The following RGS6 variants were observed in gnomAD, a reference collection of about 807,000 sequenced individuals.
RGS6 encodes the protein regulator of G-protein signaling 6.
A neutral mutation model predicts 78.5 loss-of-function variants in RGS6; 30 were observed. The ratio of observed to expected loss-of-function variants is 0.38; its 90% CI spans 0.29 to 0.52. RGS6 has a LOEUF of 0.52. Ranked by LOEUF, RGS6 falls within the 20% of genes least tolerant of loss-of-function variation. The pLI, the probability that RGS6 is intolerant of heterozygous loss-of-function variation, is 0.85. For missense variants in RGS6, 495 were observed against 609.7 expected (o/e 0.81, Z 1.98); for synonymous variants, 206 against 206.0 (o/e 1.00, Z 0.00).
intron 2 of RGS6, among the ~76,000 whole-genome samples, chr14:72,294,904 A>C (rs1003719540): frequency 2.6e-5 from 4 of 152,228 alleles, no homozygotes; most frequent in African/African-American, 7.2e-5. Context: ...ACACATATCC[A>C]AACCATAGCA....
intron 2 of RGS6, among the ~76,000 whole-genome samples, chr14:72,269,440 T>A (rs899161473): frequency 4.6e-5 from 7 of 152,326 alleles, no homozygotes; most frequent in African/African-American, 1.7e-4. Flanking sequence ...GTCTCTTGAA[T>A]AGTCAGGGCC....
At chr14:72,482,032 G>A (rs1344102328) in intron 12 of RGS6, among the ~76,000 whole-genome samples, 2 of 151,852 alleles carry the variant, frequency 1.3e-5, no homozygotes, top group African/African-American at 2.4e-5. Context: ...GGATGGTCTC[G>A]ATCTCCTGAC....
chr14:72,039,930 T>C (rs1200783926), intron 2 of RGS6, among the ~76,000 whole-genome samples: 1 of 151,400 alleles, frequency 6.6e-6, no homozygotes, highest in Non-Finnish European at 1.5e-5. Flanking sequence ...CATCTTATAG[T>C]TGTAACAATC....
At chr14:72,381,380 A>G (rs1332394696) in intron 3 of RGS6, among the ~76,000 whole-genome samples, 1 of 152,118 alleles carries the variant, frequency 6.6e-6, no homozygotes, top group Non-Finnish European at 1.5e-5. Context: ...TATGCATTAT[A>G]TGTATCAAAA....
intron 2 of RGS6, among the ~76,000 whole-genome samples, chr14:72,125,282 A>G (rs17107779): frequency 0.063 from 9,596 of 152,154 alleles, 335 homozygotes; most frequent in Admixed American, 0.093. Context: ...TGCTTCCTCA[A>G]TAGTGCTGTG....
intron 2 of RGS6, among the ~76,000 whole-genome samples, chr14:72,231,359 T>G (rs1377601539): frequency 2.0e-5 from 3 of 152,036 alleles, no homozygotes. Context: ...TTAGTGGGAG[T>G]AAGAGGGTGA....
At chr14:72,090,904 T>C (rs564440250) in intron 2 of RGS6, among the ~76,000 whole-genome samples, 1 of 152,308 alleles carries the variant, frequency 6.6e-6, no homozygotes, top group Non-Finnish European at 1.5e-5. Flanking sequence ...GTAGCTCTCA[T>C]TTCCAGGGCC....
At chr14:72,340,689 C>T (rs2076828675) in intron 2 of RGS6, among the ~76,000 whole-genome samples, 2 of 152,192 alleles carry the variant, frequency 1.3e-5, no homozygotes, top group African/African-American at 4.8e-5. Context: ...GAGGAAACTT[C>T]ATTCTCACCC....
chr14:72,324,932 C>A (rs1358649155), intron 2 of RGS6, among the ~76,000 whole-genome samples: 1 of 152,244 alleles, frequency 6.6e-6, no homozygotes, highest in Non-Finnish European at 1.5e-5. Context: ...AATTACCACA[C>A]TGTCTTCCAC....
intron 3 of RGS6, among the ~76,000 whole-genome samples, chr14:72,424,483 A>C (rs192241889): frequency 2.7e-4 from 41 of 152,212 alleles, no homozygotes; most frequent in Admixed American, 1.2e-3. Context: ...TGTTGCTTTC[A>C]GGCCTTTTTT....
intron 2 of RGS6, among the ~76,000 whole-genome samples, chr14:72,223,754 G>C (rs1206994063): frequency 1.3e-5 from 2 of 152,186 alleles, no homozygotes; most frequent in Non-Finnish European, 2.9e-5. Flanking sequence ...TTTTTGCATG[G>C]AAAGAAAGGT....
intron 2 of RGS6, among the ~76,000 whole-genome samples, chr14:72,086,326 C>T (rs1012010220): frequency 2.6e-5 from 4 of 152,092 alleles, no homozygotes; most frequent in Admixed American, 2.6e-4. Context: ...CAATATTTGT[C>T]TTTGTTATTT....
chr14:72,367,341 G>C (rs2152818808), intron 3 of RGS6, among the ~76,000 whole-genome samples: 1 of 152,178 alleles, frequency 6.6e-6, no homozygotes, highest in South Asian at 2.1e-4. Flanking sequence ...ATGAATTTGG[G>C]AATGTGTAAG....
chr14:72,321,152 C>T (rs2071889469), intron 2 of RGS6, among the ~76,000 whole-genome samples: 3 of 151,710 alleles, frequency 2.0e-5, no homozygotes, highest in African/African-American at 4.8e-5. Flanking sequence ...AGTAAAATGT[C>T]AGTGTTTCAA....
chr14:71,951,714 G>A (rs2092336708), intron 1 of RGS6, among the ~76,000 whole-genome samples: 1 of 151,926 alleles, frequency 6.6e-6, no homozygotes, highest in Non-Finnish European at 1.5e-5. Context: ...TACAGTGTTG[G>A]CTATTTTAAT....
intron 2 of RGS6, among the ~76,000 whole-genome samples, chr14:72,023,468 T>C (rs564246446): frequency 6.6e-6 from 1 of 152,254 alleles, no homozygotes; most frequent in South Asian, 2.1e-4. Context: ...ACTAGAACAT[T>C]CCCCAGGAAA....
chr14:71,904,889 C>G, the RGS6 span, among the ~76,000 whole-genome samples: 1 of 152,050 alleles, frequency 6.6e-6, no homozygotes. Flanking sequence ...ATACTGGACT[C>G]CATTATCTTT....
chr14:72,058,075 GTTT>G (rs112257816), intron 2 of RGS6, among the ~76,000 whole-genome samples: 1 of 135,016 alleles, frequency 7.4e-6, no homozygotes, highest in Non-Finnish European at 1.6e-5. Context: ...TTTATGAGGT[GTTT>G]TTTTTTTTTT....
chr14:72,372,486 TTTATAAGAA>T (rs1392728248), intron 3 of RGS6, among the ~76,000 whole-genome samples: 11 of 152,232 alleles, frequency 7.2e-5, no homozygotes, highest in Non-Finnish European at 1.2e-4. Flanking sequence ...AATATTATTT[TTTATAAGAA>T]TTAATGGCAG....
Sources: allele counts gnomAD v4.1 joint callset (sites outside exome capture counted in the v4.1 genomes callset), GRCh38; gene constraint gnomAD v4.1.1; transcripts MANE v1.5; gene names NCBI Gene and HGNC (gene_info 2026-07-23, HGNC 2026-07-21).